Variants in BRINP3 observed in about 807,000 individuals in gnomAD.
BRINP3 encodes the protein BMP/retinoic acid-inducible neural-specific protein 3.
BRINP3 carries 19 observed loss-of-function variants against 71.0 expected under a neutral mutation model. The ratio of observed to expected loss-of-function variants is 0.27; its 90% CI spans 0.19 to 0.39. The LOEUF is 0.39. Ranked by LOEUF, BRINP3 falls within the 10% of genes least tolerant of loss-of-function variation. The pLI, the probability that BRINP3 is intolerant of heterozygous loss-of-function variation, is 1.00. For synonymous variants in BRINP3, 380 were observed against 337.7 expected (o/e 1.13, Z -1.37); for missense variants, 959 against 940.8 (o/e 1.02, Z -0.25).
At chr1:190,321,492 T>G (rs1297797338) in intron 2 of BRINP3, among the ~76,000 whole-genome samples, 1 of 152,100 alleles carries the variant, frequency 6.6e-6, no homozygotes, top group African/African-American at 2.4e-5. Context: ...TTCTATATAT[T>G]TCAAAAATTT....
At chr1:190,409,152 A>C (rs1247189757) in intron 2 of BRINP3, among the ~76,000 whole-genome samples, 2 of 152,154 alleles carry the variant, frequency 1.3e-5, no homozygotes, top group Non-Finnish European at 2.9e-5. Flanking sequence ...CTGTAATCCC[A>C]GCACTTTGGG....
chr1:190,109,256 A>G (rs1443731015), intron 7 of BRINP3, among the ~76,000 whole-genome samples: 3 of 152,176 alleles, frequency 2.0e-5, no homozygotes, highest in Non-Finnish European at 4.4e-5. Context: ...ATTTTTTCAT[A>G]TATTTACATA....
At chr1:190,129,702 A>T (rs1408320708) in intron 7 of BRINP3, among the ~76,000 whole-genome samples, 3 of 151,752 alleles carry the variant, frequency 2.0e-5, no homozygotes, top group African/African-American at 7.3e-5. Flanking sequence ...TTCCGTTAGC[A>T]TTTTCTCCCA....
At chr1:190,303,245 A>C (rs541021920) in intron 2 of BRINP3, among the ~76,000 whole-genome samples, 1 of 151,974 alleles carries the variant, frequency 6.6e-6, no homozygotes, top group South Asian at 2.1e-4. Context: ...ATATCAATGT[A>C]AACATAAATT....
rs765692464 is a variant in BRINP3 at position 190,098,875 on chromosome 1, T to A, written c.1444A>T (p.Thr482Ser). 3 of 1,614,216 alleles carry A rather than the reference T, an allele frequency of 1.9e-6. No individual in the cohort carries two copies. The highest frequency in any genetic ancestry group is 1.7e-6 in the Non-Finnish European group (2 of 1,180,040). Reference protein sequence around the residue: ...GLCKPEVAESTDHYIGFETDL... With the variant: ...GLCKPEVAESSDHYIGFETDL... ...GTTTCAAAGCCAATATAGTGATCGG[T>A]GGACTCGGCGACTTCAGGCTTGCAG... The change falls in exon 8 of 8, where the codon ACC becomes TCC. Residue 482 changes from threonine (T) to serine (S), a missense_variant. Physicochemically the swap from Thr to Ser is moderately conservative, Grantham distance 58. Transcript: ENST00000367462.
At chr1:190,469,819 T>C (rs1350497195) in intron 1 of BRINP3, among the ~76,000 whole-genome samples, 2 of 151,012 alleles carry the variant, frequency 1.3e-5, no homozygotes, top group Non-Finnish European at 3.0e-5. Context: ...ATGCATAAGG[T>C]ATTATATAGA....
chr1:190,237,776 G>C (rs958433780), intron 4 of BRINP3, among the ~76,000 whole-genome samples: 2 of 151,890 alleles, frequency 1.3e-5, no homozygotes, highest in Admixed American at 1.3e-4. Flanking sequence ...AGTAACTTCT[G>C]AGTAATTTTA....
In BRINP3 at chr1:190,313,804, C is replaced by A. The variant is rs565600599; in HGVS notation, c.237-32054G>T. On this transcript the variant is annotated intron_variant, in intron 2 of 7. Coordinates refer to ENST00000367462, the MANE Select transcript of BRINP3 (RefSeq NM_199051.3). ...GCTATTAAGACAGACAGAATTCTAA[C>A]CCATATTGACCTGACCTTGGTGCTT... Among the ~76,000 whole-genome samples the A allele has an allele frequency of 2.6e-5, 4 of 152,108 alleles. No individual in the cohort carries two copies. In the South Asian group the frequency reaches 8.3e-4, roughly 32 times the overall value.
At chr1:190,308,497 T>TG (rs1048119073) in intron 2 of BRINP3, among the ~76,000 whole-genome samples, 3 of 138,240 alleles carry the variant, frequency 2.2e-5, no homozygotes, top group East Asian at 2.2e-4. Context: ...TGTTGTAGGG[T>TG]GGGGGAAGGG....
At chr1:190,292,932 C>T (rs541925354) in intron 2 of BRINP3, among the ~76,000 whole-genome samples, 16 of 151,044 alleles carry the variant, frequency 1.1e-4, no homozygotes, top group Non-Finnish European at 2.1e-4. Context: ...TATGTGTCTT[C>T]TTCCTTCTTA....
At chr1:190,135,920 A>C (rs994462473) in intron 7 of BRINP3, among the ~76,000 whole-genome samples, 1 of 152,078 alleles carries the variant, frequency 6.6e-6, no homozygotes, top group Non-Finnish European at 1.5e-5. Context: ...AATATGTAAA[A>C]TAATGCACAC....
chr1:190,447,897 A>G (rs755936984), intron 2 of BRINP3, among the ~76,000 whole-genome samples: 47 of 151,670 alleles, frequency 3.1e-4, no homozygotes, highest in Non-Finnish European at 3.3e-4. Context: ...AAATTTACAC[A>G]TACTCATCAC....
At chr1:190,422,942 A>G (rs149348575) in intron 2 of BRINP3, among the ~76,000 whole-genome samples, 48 of 151,906 alleles carry the variant, frequency 3.2e-4, no homozygotes, top group Middle Eastern at 6.8e-3. Context: ...CATTGTGTAT[A>G]TTTTTAAGAA....
chr1:190,209,453 AT>A (rs1655797698), intron 6 of BRINP3, among the ~76,000 whole-genome samples: 1 of 152,090 alleles, frequency 6.6e-6, no homozygotes, highest in Non-Finnish European at 1.5e-5. Context: ...CTAGACAGTG[AT>A]ACATACAGTT....
At chr1:190,350,075 G>C (rs992480682) in intron 2 of BRINP3, among the ~76,000 whole-genome samples, 2 of 152,042 alleles carry the variant, frequency 1.3e-5, no homozygotes, top group South Asian at 4.1e-4. Flanking sequence ...AAACCAGGAG[G>C]CTTCCAGATA....
Position 190,351,992 on chromosome 1 carries a change from T to A in BRINP3, c.237-70242A>T, listed in dbSNP as rs934808334. On this transcript the variant is annotated intron_variant, in intron 2 of 7. Coordinates refer to ENST00000367462, the MANE Select transcript of BRINP3 (RefSeq NM_199051.3). ...CATTTTAAATTTTATACAGAAAAAA[T>A]TCTTTATTTTTAAATGCCAGACGTA... Among the ~76,000 whole-genome samples the A allele has an allele frequency of 2.6e-4, 40 of 152,052 alleles. No individual in the cohort carries two copies. In the Middle Eastern group the frequency reaches 0.014, roughly 52 times the overall value.
intron 4 of BRINP3, among the ~76,000 whole-genome samples, chr1:190,240,143 C>T (rs1360200912): frequency 6.6e-6 from 1 of 151,704 alleles, no homozygotes; most frequent in African/African-American, 2.4e-5. Flanking sequence ...TAAGTATGCA[C>T]TATTCCAAAC....
At chr1:190,343,880 C>T (rs1667833299) in intron 2 of BRINP3, among the ~76,000 whole-genome samples, 1 of 151,572 alleles carries the variant, frequency 6.6e-6, no homozygotes, top group African/African-American at 2.4e-5. Flanking sequence ...TAAGCTTATT[C>T]CTATAGACTT....
chr1:190,234,558 A>G, intron 4 of BRINP3, 81 bp from the exon 5 acceptor site: 1 of 1,001,520 alleles, frequency 1.0e-6, no homozygotes, highest in Non-Finnish European at 1.5e-6. Context: ...TCACACACTA[A>G]TATTATACGT....
Sources: gnomAD v4.1 joint callset for allele counts (sites outside exome capture counted in the v4.1 genomes callset) on GRCh38, gnomAD v4.1.1 for gene constraint, MANE v1.5 for transcripts, NCBI Gene and HGNC (gene_info 2026-07-23, HGNC 2026-07-21) for gene names.